The following CPNE4 variants were observed in gnomAD, a reference collection of about 807,000 sequenced individuals.
CPNE4 encodes copine 4, also known as copine-4.
Under a neutral mutation model 67.9 loss-of-function variants are expected in CPNE4, and 25 were observed. The ratio of observed to expected loss-of-function variants is 0.37; its 90% CI spans 0.27 to 0.51. The LOEUF (loss-of-function observed/expected upper bound fraction) is 0.51, where lower values mean the gene tolerates loss of function less well. Ranked by LOEUF, CPNE4 falls within the 20% of genes least tolerant of loss-of-function variation. The pLI is 0.93. For synonymous variants in CPNE4, 242 were observed against 244.9 expected (o/e 0.99, Z 0.11); for missense variants, 464 against 690.8 (o/e 0.67, Z 3.68).
intron 11 of CPNE4, 46 bp from the exon 12 acceptor site, chr3:131,555,597 T>G (rs1165992547): frequency 6.5e-7 from 1 of 1,533,772 alleles, no homozygotes; most frequent in South Asian, 1.1e-5. Context: ...TTGCTTCATT[T>G]ATTCATTTAA....
intron 1 of CPNE4, among the ~76,000 whole-genome samples, chr3:131,922,801 G>A (rs1236328501): frequency 1.3e-5 from 2 of 152,108 alleles, no homozygotes; most frequent in African/African-American, 2.4e-5. Flanking sequence ...AAAGAAGCAA[G>A]CATAATAACA....
chr3:131,923,723 A>ATT (rs2070809660), intron 1 of CPNE4, among the ~76,000 whole-genome samples: 2 of 149,134 alleles, frequency 1.3e-5, no homozygotes, highest in African/African-American at 5.0e-5. Flanking sequence ...AAAAAAAAAA[A>ATT]AAAAAATTAA....
chr3:131,691,981 T>C (rs2056917904), intron 5 of CPNE4, among the ~76,000 whole-genome samples: 1 of 152,156 alleles, frequency 6.6e-6, no homozygotes. Context: ...AAGATGGCCA[T>C]TGGGACAGTT....
intron 2 of CPNE4, among the ~76,000 whole-genome samples, chr3:131,816,435 A>C (rs1011435746): frequency 4.6e-5 from 7 of 152,236 alleles, no homozygotes; most frequent in Admixed American, 4.6e-4. Flanking sequence ...TGGATTTAAC[A>C]TGAGAAGAGA....
intron 7 of CPNE4, among the ~76,000 whole-genome samples, chr3:131,604,935 G>A (rs1939412260): frequency 6.6e-6 from 1 of 152,034 alleles, no homozygotes; most frequent in Non-Finnish European, 1.5e-5. Flanking sequence ...CATACCTTTT[G>A]TCATGTTAAC....
chr3:131,972,836 G>A (rs765960934), intron 1 of CPNE4, among the ~76,000 whole-genome samples: 1 of 152,180 alleles, frequency 6.6e-6, no homozygotes, highest in Non-Finnish European at 1.5e-5. Context: ...TGGACCAGAT[G>A]TTCCCAGTGA....
chr3:131,713,500 C>T (rs2081609561), intron 3 of CPNE4, among the ~76,000 whole-genome samples: 2 of 151,952 alleles, frequency 1.3e-5, no homozygotes, highest in East Asian at 1.9e-4. Context: ...ATTTCGAAAA[C>T]AAGAAAAGGA....
chr3:131,793,968 G>T (rs1361311116), intron 2 of CPNE4, among the ~76,000 whole-genome samples: 1 of 152,182 alleles, frequency 6.6e-6, no homozygotes, highest in Non-Finnish European at 1.5e-5. Context: ...AGAAGCAACA[G>T]AATTATCAAG....
chr3:131,881,683 C>T (rs1361714775), intron 2 of CPNE4, among the ~76,000 whole-genome samples: 3 of 151,906 alleles, frequency 2.0e-5, no homozygotes, highest in Non-Finnish European at 2.9e-5. Context: ...TATTCTATAC[C>T]ACCTCAGTTA....
chr3:131,848,348 C>A (rs2086085129), intron 2 of CPNE4, among the ~76,000 whole-genome samples: 1 of 152,158 alleles, frequency 6.6e-6, no homozygotes, highest in South Asian at 2.1e-4. Context: ...TAATCCCATT[C>A]ATTCCCCACT....
intron 2 of CPNE4, among the ~76,000 whole-genome samples, chr3:131,859,598 T>TG (rs776668619): frequency 6.6e-6 from 1 of 152,138 alleles, no homozygotes; most frequent in Non-Finnish European, 1.5e-5. Context: ...GTAGAATCTC[T>TG]GGGGGTGGAA....
chr3:131,899,185 G>A (rs928601004), intron 2 of CPNE4, among the ~76,000 whole-genome samples: 3 of 152,074 alleles, frequency 2.0e-5, no homozygotes, highest in African/African-American at 7.2e-5. Flanking sequence ...TGGGAGTGTA[G>A]TCTAAACTCA....
In CPNE4 at chr3:131,654,756, G is replaced by C. The variant is rs148170680; in HGVS notation, c.681+14919C>G. Among the ~76,000 whole-genome samples, 1,122 of 152,306 alleles carry C rather than the reference G, an allele frequency of 7.4e-3. 12 individuals carry two copies. Among genetic ancestry groups the C allele is most frequent in the African/African-American group, 0.026 (1,071 of 41,552 alleles). On this transcript the variant is annotated intron_variant, in intron 7 of 15. Coordinates refer to ENST00000429747, the MANE Select transcript of CPNE4 (RefSeq NM_130808.3). ...GAGAGAGTAAAGATACAATTGACTA[G>C]AGTAGTGGTTCTCAACAAGGGTGAT...
chr3:131,991,612 C>A (rs2073175506), intron 1 of CPNE4, among the ~76,000 whole-genome samples: 1 of 135,898 alleles, frequency 7.4e-6, no homozygotes, highest in East Asian at 2.4e-4. Flanking sequence ...TGCAACCTGA[C>A]AATGCGATAG....
chr3:131,981,253 C>T (rs1232850469), intron 1 of CPNE4, among the ~76,000 whole-genome samples: 1 of 151,748 alleles, frequency 6.6e-6, no homozygotes, highest in Non-Finnish European at 1.5e-5. Flanking sequence ...CCCTAGAACT[C>T]CCAAGATTAT....
At chr3:131,569,662 A>T (rs868170169) in intron 10 of CPNE4, among the ~76,000 whole-genome samples, 1 of 142,554 alleles carries the variant, frequency 7.0e-6, no homozygotes, top group African/African-American at 2.8e-5. Context: ...ACAAAAAAAA[A>T]CAAAAAAAAA....
At chr3:131,877,647 C>T (rs2107709976) in intron 2 of CPNE4, among the ~76,000 whole-genome samples, 1 of 152,100 alleles carries the variant, frequency 6.6e-6, no homozygotes, top group Non-Finnish European at 1.5e-5. Flanking sequence ...TAAAGCTCCA[C>T]AATACATAGT....
At chr3:131,941,427 C>A (rs2071383861) in intron 1 of CPNE4, among the ~76,000 whole-genome samples, 1 of 151,954 alleles carries the variant, frequency 6.6e-6, no homozygotes, top group African/African-American at 2.4e-5. Context: ...TTAGGGAACA[C>A]TGCAAATCAG....
intron 9 of CPNE4, among the ~76,000 whole-genome samples, chr3:131,579,988 T>A (rs188523802): frequency 6.6e-6 from 1 of 152,328 alleles, no homozygotes; most frequent in Admixed American, 6.5e-5. Flanking sequence ...CAAAATGCTA[T>A]CAGACAGCAT....
Sources: gnomAD v4.1 joint callset for allele counts (sites outside exome capture counted in the v4.1 genomes callset) on GRCh38, gnomAD v4.1.1 for gene constraint, MANE v1.5 for transcripts, NCBI Gene and HGNC (gene_info 2026-07-23, HGNC 2026-07-21) for gene names.